The following TMEM43 variants were observed in gnomAD, a reference collection of about 807,000 sequenced individuals.
TMEM43 encodes the protein transmembrane protein 43.
In TMEM43, 45 loss-of-function variants were observed where a neutral mutation model predicts 49.6. The observed-to-expected ratio is 0.91, with a 90% confidence interval of 0.71 to 1.16. The LOEUF (loss-of-function observed/expected upper bound fraction) is 1.16. Ranked by LOEUF, TMEM43 falls within the 50% of genes most tolerant of loss-of-function variation. TMEM43 has a pLI of 0.00. For missense variants in TMEM43, 532 were observed against 516.6 expected (o/e 1.03, Z -0.29); for synonymous variants, 199 against 207.8 (o/e 0.96, Z 0.36).
In TMEM43 at chr3:14,139,225, G is replaced by T; in HGVS notation, c.928G>T (p.Gly310Cys). The T allele has an allele frequency of 6.2e-7, 1 of 1,614,166 alleles. No individual in the cohort carries two copies. The highest frequency in any genetic ancestry group is 2.2e-5 in the East Asian group (1 of 44,874). Residue 310 changes from glycine (G) to cysteine (C), a missense_variant, in exon 11 of 12, where the codon GGC becomes TGC. Transcript: ENST00000306077. ...AAGGAGCAACTCCATGAAGACCTGGGGCCTGCGGGCAGCTGGCTGGATGGC... is the reference window on the plus strand; with the variant it reads ...AAGGAGCAACTCCATGAAGACCTGGTGCCTGCGGGCAGCTGGCTGGATGGC... ...ELRSNSMKTW[G>C]LRAAGWMAMF... is the part of the protein sequence containing the mutation.
chr3:14,133,084 G>T (rs888426020), intron 6 of TMEM43, 149 bp downstream of exon 6: 5 of 721,978 alleles, frequency 6.9e-6, no homozygotes, highest in African/African-American at 5.3e-5. Context: ...GCCCTGTGCT[G>T]GGCACCAGGA....
intron 7 of TMEM43, among the ~76,000 whole-genome samples, chr3:14,134,393 C>T (rs1411740986): frequency 1.3e-5 from 2 of 152,188 alleles, no homozygotes; most frequent in East Asian, 3.9e-4. Context: ...CCTGGCCTGG[C>T]CGCTTTCTGT....
chr3:14,125,257 G>A (rs758354104), intron 1 of TMEM43, 52 bp downstream of exon 1: 2 of 1,576,248 alleles, frequency 1.3e-6, no homozygotes, highest in Non-Finnish European at 1.7e-6. Context: ...CGTCGCCCTG[G>A]GGCTTTTCCC....
At chr3:14,130,281 G>A (rs1218547595) in intron 2 of TMEM43, among the ~76,000 whole-genome samples, 1 of 151,990 alleles carries the variant, frequency 6.6e-6, no homozygotes, top group African/African-American at 2.4e-5. Flanking sequence ...GACTGGCAAG[G>A]TCTGGGTCCC....
At chr3:14,128,984 G>C (rs1224343233) in intron 1 of TMEM43, 1 of 456,412 alleles carries the variant, frequency 2.2e-6, no homozygotes, top group Non-Finnish European at 4.4e-6. Context: ...CAACATGAAT[G>C]AATTGCAAAA....
Position 14,141,824 on chromosome 3 carries a change from C to T in TMEM43, c.*29C>T, listed in dbSNP as rs536469258. 1.2e-5 allele frequency: 20 copies of T among 1,600,546 alleles called. No homozygotes were observed. Among genetic ancestry groups the T allele is most frequent in the East Asian group, 4.5e-5 (2 of 44,528 alleles). On this transcript the variant is annotated 3_prime_UTR_variant, in exon 12 of 12. Transcript: ENST00000306077. ...GACCCTGGCACCCGCCCGACACCTG[C>T]GTGAGCCCTAGGATCCAGGTCCTCT...
chr3:14,130,767 A>T (rs1695082159), intron 2 of TMEM43, 55 bp from the exon 3 acceptor site: 4 of 1,596,114 alleles, frequency 2.5e-6, no homozygotes, highest in Admixed American at 3.4e-5. Flanking sequence ...CAACAAGCAC[A>T]GTCATGCTGA....
rs775986881 is a variant in TMEM43, at chr3:14,132,923, A to G, written c.500A>G (p.His167Arg). 5.0e-6 allele frequency: 8 copies of G among 1,613,964 alleles called. No homozygotes were observed. Among genetic ancestry groups the G allele is most frequent in the Middle Eastern group, 1.7e-4 (1 of 6,060 alleles). ...NSKNFDREIG[H>R]KNPSAMAVES... ...AAAAACTTCGACCGAGAGATTGGCC[A>G]CAAAAACCCCAGGTGAGAGCCAGGC... The change falls in exon 6 of 12, where the codon CAC becomes CGC. Residue 167 changes from histidine (H) to arginine (R), a missense_variant. Physicochemically the swap from His to Arg is conservative, Grantham distance 29 (BLOSUM62 0). Coordinates refer to ENST00000306077, the MANE Select transcript of TMEM43 (RefSeq NM_024334.3).
At position 14,135,891 on chromosome 3, in the gene TMEM43, G is replaced by A. The variant is rs730880226; in HGVS notation, c.865G>A (p.Gly289Arg). 5.0e-5 allele frequency: 80 copies of A among 1,613,888 alleles called. No individual in the cohort carries two copies. Among genetic ancestry groups the A allele is most frequent in the East Asian group, 1.8e-4 (8 of 44,892 alleles). The stretch of plus-strand genomic sequence containing the variant: ...GGATACCTTACTGCTCCTGCACCAC[G>A]GGGACTTCTCAGCAGAGGTGAGTGC... ...SGDTLLLLHH[G>R]DFSAEEVFHR... Residue 289 changes from glycine (G) to arginine (R), a missense_variant, in exon 10 of 12, where the codon GGG (glycine) becomes AGG (arginine). Physicochemically the swap from Gly to Arg is moderately radical, Grantham distance 125. Transcript: ENST00000306077.
Position 14,143,291 on chromosome 3 carries a change from A to T in TMEM43, c.*1496A>T, listed in dbSNP as rs567845799. Reference sequence around the variant, plus strand: ...TGAATAAGGGGTCAGAACTTCTGAAACCAGAGATCTGTAATCATCTCTATT... The same window carrying T: ...TGAATAAGGGGTCAGAACTTCTGAATCCAGAGATCTGTAATCATCTCTATT... On this transcript the variant is annotated 3_prime_UTR_variant, in exon 12 of 12. Transcript: ENST00000306077. 6 of 152,366 alleles carry T rather than the reference A, an allele frequency of 3.9e-5. No individual in the cohort carries two copies. In the South Asian group the frequency reaches 1.2e-3, roughly 32 times the overall value. 9.4% of individuals were successfully genotyped at this position (152,366 alleles called of 1,614,324 possible). A position where few individuals can be genotyped will look rare whatever the true frequency, so the allele number is the denominator to read the frequency against.
intron 1 of TMEM43, among the ~76,000 whole-genome samples, chr3:14,127,055 C>T (rs886552707): frequency 3.9e-5 from 6 of 152,158 alleles, no homozygotes; most frequent in Admixed American, 2.0e-4. Context: ...TCCCACCACT[C>T]ATTGCTCATT....
intron 1 of TMEM43, 33 bp downstream of exon 1, chr3:14,125,238 A>G (rs372124334): frequency 6.4e-5 from 102 of 1,597,428 alleles, no homozygotes; most frequent in Non-Finnish European, 8.4e-5. Context: ...GGCCACACCC[A>G]GGCTTCCCCG....
chr3:14,135,051 G>T, intron 8 of TMEM43, 107 bp from the exon 9 acceptor site: 1 of 1,476,056 alleles, frequency 6.8e-7, no homozygotes, highest in South Asian at 1.1e-5. Flanking sequence ...CTGGGCACGG[G>T]TGTGGAGGTG....
At chr3:14,129,242 GT>G (rs1287040359) in intron 1 of TMEM43, among the ~76,000 whole-genome samples, 169 bp from the exon 2 acceptor site, 1 of 133,994 alleles carries the variant, frequency 7.5e-6, no homozygotes, top group Non-Finnish European at 1.5e-5. Context: ...TGGAATATAC[GT>G]TTGTGGAAAC....
chr3:14,135,766 G>A (rs766940580), intron 9 of TMEM43, 41 bp from the exon 10 acceptor site: 14 of 1,572,198 alleles, frequency 8.9e-6, no homozygotes, highest in Middle Eastern at 2.3e-4. Flanking sequence ...CGTGTCTCCC[G>A]CTGGTCACCC....
At chr3:14,131,528 C>T in intron 3 of TMEM43, 52 bp from the exon 4 acceptor site, 1 of 1,503,970 alleles carries the variant, frequency 6.6e-7, no homozygotes, top group Non-Finnish European at 9.2e-7. Flanking sequence ...GCTTTCTGGG[C>T]TGACGTGAAT....
intron 10 of TMEM43, among the ~76,000 whole-genome samples, chr3:14,136,754 G>A (rs147796005): frequency 2.2e-5 from 3 of 136,616 alleles, no homozygotes; most frequent in South Asian, 2.2e-4. Context: ...TTAGGAGGGC[G>A]GGGAAGGGTT....
intron 10 of TMEM43, among the ~76,000 whole-genome samples, chr3:14,138,852 T>C (rs1695211392): frequency 6.6e-6 from 1 of 152,212 alleles, no homozygotes; most frequent in African/African-American, 2.4e-5. Flanking sequence ...CAGAGCATGC[T>C]GCCCAGCAGA....
intron 6 of TMEM43, 91 bp downstream of exon 6, chr3:14,133,026 T>C: frequency 8.9e-7 from 1 of 1,119,082 alleles, no homozygotes; most frequent in Non-Finnish European, 1.4e-6. Context: ...AGGATTGAGT[T>C]AATCCTGCCT....
Sources: allele counts gnomAD v4.1 joint callset (sites outside exome capture counted in the v4.1 genomes callset), GRCh38; gene constraint gnomAD v4.1.1; transcripts MANE v1.5; gene names NCBI Gene and HGNC (gene_info 2026-07-23, HGNC 2026-07-21).